Variants in TTC1 observed in about 807,000 individuals in gnomAD.
TTC1 encodes the protein tetratricopeptide repeat domain 1.
Under a neutral mutation model 37.6 loss-of-function variants are expected in TTC1, and 31 were observed. The observed-to-expected ratio is 0.82, with a 90% CI of 0.62 to 1.11. TTC1 has a LOEUF of 1.11. TTC1 is among the 50% of genes most tolerant of loss of function. TTC1 has a pLI of 0.00. For missense variants in TTC1, 351 were observed against 339.0 expected, an observed-to-expected ratio of 1.04 and a Z score of -0.28; for synonymous variants, 127 against 122.4, an observed-to-expected ratio of 1.04 and a Z score of -0.25.
intron 7 of TTC1, 102 bp from the exon 8 acceptor site, chr5:160,064,830 A>T: frequency 2.4e-6 from 3 of 1,261,136 alleles, no homozygotes; most frequent in Non-Finnish European, 3.3e-6. Context: ...CTGCAAAGAG[A>T]TACTTTTATA....
At chr5:160,013,492 C>G (rs1431423499) in intron 2 of TTC1, among the ~76,000 whole-genome samples, 1 of 151,956 alleles carries the variant, frequency 6.6e-6, no homozygotes, top group Non-Finnish European at 1.5e-5. Context: ...TGCCTGTAAT[C>G]CTAGCACTTT....
At chr5:160,018,404 A>G (rs762537444) in intron 2 of TTC1, among the ~76,000 whole-genome samples, 2 of 152,232 alleles carry the variant, frequency 1.3e-5, no homozygotes, top group Non-Finnish European at 2.9e-5. Context: ...TGGCCTCTCA[A>G]CAGAGACTTA....
At chr5:160,032,752 T>A (rs930140737) in intron 2 of TTC1, among the ~76,000 whole-genome samples, 3 of 138,780 alleles carry the variant, frequency 2.2e-5, no homozygotes, top group African/African-American at 8.1e-5. Context: ...TCTCACTCTG[T>A]CGCCAGGCTA....
intron 6 of TTC1, among the ~76,000 whole-genome samples, chr5:160,050,854 G>T (rs1265682568): frequency 1.3e-5 from 2 of 151,902 alleles, no homozygotes; most frequent in Non-Finnish European, 2.9e-5. Context: ...TCAAACTCCT[G>T]AGCTCAAGCG....
At chr5:160,012,460 G>A (rs1464879335) in intron 2 of TTC1, among the ~76,000 whole-genome samples, 2 of 151,882 alleles carry the variant, frequency 1.3e-5, no homozygotes, top group Non-Finnish European at 2.9e-5. Context: ...AACCTCCTGG[G>A]CTCAAGTGGA....
At chr5:160,019,023 C>T (rs893451781) in intron 2 of TTC1, among the ~76,000 whole-genome samples, 8 of 152,202 alleles carry the variant, frequency 5.3e-5, no homozygotes, top group African/African-American at 1.9e-4. Context: ...GAACTTTGAA[C>T]TTATCCAGGT....
At chr5:160,039,859 A>G (rs775289442) in intron 4 of TTC1, among the ~76,000 whole-genome samples, 8 of 152,118 alleles carry the variant, frequency 5.3e-5, no homozygotes, top group Non-Finnish European at 8.8e-5. Context: ...AAAGAGAAAT[A>G]AAAAAAGGTC....
chr5:160,017,323 G>T lies in TTC1; in HGVS notation c.330+6465G>T, dbSNP rs1756624319. ...TGGAGGCTGAGAAGTCCAAGATCAA[G>T]GTGCCAGCAATTTTAGTGTCTGGTG... On this transcript the variant is annotated intron_variant, in intron 2 of 7. Transcript: ENST00000231238. Among the ~76,000 whole-genome samples, 3 of 152,306 alleles carry T rather than the reference G, an allele frequency of 2.0e-5. No homozygotes were observed. In the South Asian group the frequency reaches 6.2e-4, roughly 32 times the overall value.
intron 7 of TTC1, among the ~76,000 whole-genome samples, chr5:160,058,802 GA>G (rs1757618564): frequency 1.3e-5 from 2 of 152,166 alleles, no homozygotes; most frequent in Admixed American, 1.3e-4. Flanking sequence ...TAGGAGGTTT[GA>G]AAACAACTTT....
intron 7 of TTC1, chr5:160,062,208 C>T (rs1356822440): frequency 6.6e-6 from 1 of 152,210 alleles, no homozygotes; most frequent in Non-Finnish European, 1.5e-5. Flanking sequence ...AAAACGAGGG[C>T]CTGGGAAAGA....
chr5:160,028,621 G>C (rs1408862256), intron 2 of TTC1, among the ~76,000 whole-genome samples: 2 of 152,016 alleles, frequency 1.3e-5, no homozygotes, highest in Non-Finnish European at 2.9e-5. Flanking sequence ...CCACAGGTGC[G>C]CACCACCACA....
chr5:160,025,791 A>T (rs561505549), intron 2 of TTC1, among the ~76,000 whole-genome samples: 2 of 152,076 alleles, frequency 1.3e-5, no homozygotes, highest in Non-Finnish European at 2.9e-5. Flanking sequence ...TATTTAAAAG[A>T]TAGGGTCTAG....
Position 160,050,627 on chromosome 5 carries a change from C to CTT in TTC1, c.691-483_691-482dup, listed in dbSNP as rs546426067. Among the ~76,000 whole-genome samples the CTT allele has an allele frequency of 4.3e-4, 47 of 109,290 alleles. 1 individual carries two copies. Among genetic ancestry groups the CTT allele is most frequent in the South Asian group, 2.2e-3 (7 of 3,140 alleles). The allele number at this position is 109,290 out of a possible 152,430, so 71.7% of individuals were successfully genotyped here. ...GAACTGGAAACAGAGCCAAACAAAACTTTTTTTTTTTTTTTTTTTTGAGAA... is the reference window on the plus strand; with the variant it reads ...GAACTGGAAACAGAGCCAAACAAAACTTTTTTTTTTTTTTTTTTTTTTGAGAA... On this transcript the variant is annotated intron_variant, in intron 6 of 7. Coordinates refer to ENST00000231238, the MANE Select transcript of TTC1 (RefSeq NM_003314.3).
Position 160,051,125 on chromosome 5 carries a change from T to C in TTC1, c.691-4T>C. ...CCAACCCTTGTTTCTCCTCTTTTCC[T>C]CAGAGATTACCTAAGCAAATTGAAG... On this transcript the variant is annotated splice_polypyrimidine_tract_variant and splice_region_variant and intron_variant, in intron 6 of 7. Transcript: ENST00000231238. 1 of 1,595,550 alleles carries C rather than the reference T, an allele frequency of 6.3e-7. No individual in the cohort carries two copies. The highest frequency in any genetic ancestry group is 8.5e-7 in the Non-Finnish European group (1 of 1,169,744).
chr5:160,051,137 T>C lies in TTC1; in HGVS notation c.699T>C (p.Pro233=). The stretch of plus-strand genomic sequence containing the variant: ...TCTCCTCTTTTCCTCAGAGATTACC[T>C]AAGCAAATTGAAGAACGTAATGAAA... ...HQAREACMRL[P]KQIEERNERL... The change falls in exon 7 of 8, where the codon CCT becomes CCC. Residue 233 remains proline (P), a synonymous_variant. Coordinates refer to ENST00000231238, the MANE Select transcript of TTC1 (RefSeq NM_003314.3). The C allele has an allele frequency of 6.2e-7, 1 of 1,602,736 alleles. No individual in the cohort carries two copies. The highest frequency in any genetic ancestry group is 1.7e-5 in the Admixed American group (1 of 59,280).
chr5:160,036,858 A>G (rs1757007482), intron 4 of TTC1, 55 bp downstream of exon 4: 1 of 1,280,376 alleles, frequency 7.8e-7, no homozygotes, highest in Non-Finnish European at 1.1e-6. Flanking sequence ...CAGTCTTTTC[A>G]TACCATAGTT....
At chr5:160,012,436 C>T (rs1014478600) in intron 2 of TTC1, among the ~76,000 whole-genome samples, 1 of 151,822 alleles carries the variant, frequency 6.6e-6, no homozygotes, top group African/African-American at 2.4e-5. Context: ...GTGATCACGG[C>T]TCACTGCAGT....
chr5:160,032,224 C>T (rs935228050), intron 2 of TTC1, among the ~76,000 whole-genome samples: 47 of 152,232 alleles, frequency 3.1e-4, no homozygotes, highest in African/African-American at 1.1e-3. Context: ...ATAGAATATT[C>T]CTAATGAGTT....
At chr5:160,060,700 A>G (rs1753352808) in intron 7 of TTC1, among the ~76,000 whole-genome samples, 1 of 152,238 alleles carries the variant, frequency 6.6e-6, no homozygotes, top group Non-Finnish European at 1.5e-5. Context: ...CAGCAGGCAG[A>G]AAAACGTATG....
Sources: allele counts gnomAD v4.1 joint callset (sites outside exome capture counted in the v4.1 genomes callset), GRCh38; gene constraint gnomAD v4.1.1; transcripts MANE v1.5; gene names NCBI Gene and HGNC (gene_info 2026-07-23, HGNC 2026-07-21).